The following HMCN1 variants were observed in gnomAD, a reference collection of about 807,000 sequenced individuals.
HMCN1 encodes hemicentin 1.
A neutral mutation model predicts 625.9 loss-of-function variants in HMCN1; 321 were observed. The observed-to-expected ratio is 0.51, with a 90% CI of 0.47 to 0.56. HMCN1 has a LOEUF of 0.56. Ranked by LOEUF, HMCN1 falls within the 20% of genes least tolerant of loss-of-function variation. The pLI is 0.00. For missense variants in HMCN1, 6,588 were observed against 6,887.3 expected (o/e 0.96, Z 1.54); for synonymous variants, 2,425 against 2,417.6 (o/e 1.00, Z -0.09).
chr1:186,055,159 G>A (rs1657226601), intron 44 of HMCN1, among the ~76,000 whole-genome samples: 1 of 151,996 alleles, frequency 6.6e-6, no homozygotes, highest in South Asian at 2.1e-4. Context: ...AGTGAACACA[G>A]CAATCTTTAC....
At chr1:185,877,790 C>G (rs1275864284) in intron 4 of HMCN1, among the ~76,000 whole-genome samples, 1 of 151,612 alleles carries the variant, frequency 6.6e-6, no homozygotes, top group Non-Finnish European at 1.5e-5. Flanking sequence ...TTTGTATAAG[C>G]AAATTTGTGT....
At chr1:185,871,689 T>A (rs1484131330) in intron 4 of HMCN1, among the ~76,000 whole-genome samples, 3 of 152,160 alleles carry the variant, frequency 2.0e-5, no homozygotes, top group African/African-American at 7.2e-5. Flanking sequence ...AAAAGCCTCA[T>A]AGATTAGAGA....
chr1:186,101,943 A>G (rs895392158), intron 68 of HMCN1, among the ~76,000 whole-genome samples: 37 of 152,156 alleles, frequency 2.4e-4, no homozygotes, highest in Non-Finnish European at 4.3e-4. Context: ...AGTTTTCACA[A>G]ATGAACTTGA....
chr1:185,979,923 C>T lies in HMCN1; in HGVS notation c.2567-1055C>T, dbSNP rs1651498196. On this transcript the variant is annotated intron_variant, in intron 16 of 106. Transcript: ENST00000271588. ...CCTCTCCTTCCTTCCTGATTGCTCA[C>T]AAGACAAAACCATACTCTTGAGAAT... Among the ~76,000 whole-genome samples the T allele has an allele frequency of 1.3e-5, 2 of 152,120 alleles. 1 individual carries two copies. The highest frequency in any genetic ancestry group is 2.9e-5 in the Non-Finnish European group (2 of 68,030).
At chr1:186,077,715 A>G (rs1658915585) in intron 54 of HMCN1, among the ~76,000 whole-genome samples, 1 of 152,214 alleles carries the variant, frequency 6.6e-6, no homozygotes, top group African/African-American at 2.4e-5. Flanking sequence ...TTATACTTTT[A>G]CAACCTTGGA....
rs540296860 is a variant in HMCN1 at position 186,081,137 on chromosome 1, G to A, written c.8600-70G>A. 8 of 1,310,338 alleles carry A rather than the reference G, an allele frequency of 6.1e-6. No individual in the cohort carries two copies. In the Admixed American group the frequency reaches 1.2e-4, roughly 19 times the overall value. The allele number at this position is 1,310,338 out of a possible 1,614,324, so 81.2% of individuals were successfully genotyped here. ...TTATTATCCCAAAGTTTTTAAAGCT[G>A]TCAGAAAATTAGCATGATTTAGAAA... On this transcript the variant is annotated intron_variant, in intron 55 of 106. Coordinates refer to ENST00000271588, the MANE Select transcript of HMCN1 (RefSeq NM_031935.3).
chr1:185,926,389 T>C (rs1305658547), intron 9 of HMCN1, among the ~76,000 whole-genome samples: 1 of 152,256 alleles, frequency 6.6e-6, no homozygotes, highest in African/African-American at 2.4e-5. Flanking sequence ...TATATCTTAA[T>C]GATTTATTTA....
rs868165645 is a variant in HMCN1, at chr1:186,094,365, A to G, written c.10286A>G (p.Gln3429Arg). Reference sequence around the variant, plus strand: ...GTGGATAATAAGCATTACAATCTTCAAGTGTTTGGTATGTGTCACAGAAAT... The same window carrying G: ...GTGGATAATAAGCATTACAATCTTCGAGTGTTTGGTATGTGTCACAGAAAT... ...AGVDNKHYNL[Q>R]VFAPPNMDNS... Residue 3429 changes from glutamine to arginine, a missense_variant, in exon 67 of 107, where the codon CAA becomes CGA. Physicochemically the swap from Gln to Arg is conservative, Grantham distance 43. Transcript: ENST00000271588. 2 of 1,611,576 alleles carry G rather than the reference A, an allele frequency of 1.2e-6. No homozygotes were observed. Among genetic ancestry groups the G allele is most frequent in the African/African-American group, 2.7e-5 (2 of 74,928 alleles).
chr1:185,984,413 A>C, intron 19 of HMCN1, 100 bp downstream of exon 19: 1 of 1,073,710 alleles, frequency 9.3e-7, no homozygotes, highest in Non-Finnish European at 1.4e-6. Flanking sequence ...ACAATTAGAT[A>C]TCTCTCTTAA....
intron 1 of HMCN1, among the ~76,000 whole-genome samples, chr1:185,746,497 T>C (rs529780388): frequency 6.6e-6 from 1 of 152,256 alleles, no homozygotes; most frequent in East Asian, 1.9e-4. Flanking sequence ...CTTCTAGTGG[T>C]TTGCTGGCAA....
At chr1:185,868,283 A>G (rs574838239) in intron 4 of HMCN1, among the ~76,000 whole-genome samples, 88 of 152,298 alleles carry the variant, frequency 5.8e-4, no homozygotes, top group South Asian at 1.0e-3. Context: ...TAAGCCCTAT[A>G]GAGAAACTAT....
chr1:186,176,367 C>T (rs1457822111), intron 103 of HMCN1, among the ~76,000 whole-genome samples: 1 of 152,194 alleles, frequency 6.6e-6, no homozygotes, highest in Non-Finnish European at 1.5e-5. Flanking sequence ...ATTAGAGACA[C>T]TAGTTACCAA....
At chr1:186,038,791 A>T (rs746350559) in intron 37 of HMCN1, 38 bp from the exon 38 acceptor site, 4 of 1,345,966 alleles carry the variant, frequency 3.0e-6, no homozygotes, top group East Asian at 4.6e-5. Flanking sequence ...AATTTAAAAA[A>T]TTTTTACATA....
At chr1:186,167,865 C>T (rs1651975756) in intron 100 of HMCN1, among the ~76,000 whole-genome samples, 1 of 151,938 alleles carries the variant, frequency 6.6e-6, no homozygotes, top group African/African-American at 2.4e-5. Flanking sequence ...CTAGATAGAA[C>T]AGTTTATCTA....
At chr1:185,806,546 CAAAAAAA>C (rs34411405) in intron 1 of HMCN1, among the ~76,000 whole-genome samples, 2 of 103,404 alleles carry the variant, frequency 1.9e-5, no homozygotes, top group Non-Finnish European at 2.1e-5. Flanking sequence ...GACCCTGTCT[CAAAAAAA>C]AAAAAAAAAA....
chr1:186,173,967 CTT>C (rs1468989100), intron 102 of HMCN1, among the ~76,000 whole-genome samples: 2 of 152,302 alleles, frequency 1.3e-5, no homozygotes, highest in South Asian at 4.1e-4. Context: ...ACTAGAAACT[CTT>C]TTAAAAGAAA....
intron 1 of HMCN1, among the ~76,000 whole-genome samples, chr1:185,793,728 G>A (rs60308365): frequency 0.091 from 13,869 of 152,160 alleles, 2,040 homozygotes; most frequent in African/African-American, 0.31. Flanking sequence ...CAGGAGATGG[G>A]AGGCATTTAA....
intron 1 of HMCN1, among the ~76,000 whole-genome samples, chr1:185,845,194 A>C (rs921201257): frequency 1.1e-4 from 17 of 152,144 alleles, no homozygotes; most frequent in Non-Finnish European, 1.2e-4. Flanking sequence ...ATGTCCTTGC[A>C]ACTATACATC....
chr1:185,739,268 T>A (rs536278376), intron 1 of HMCN1, among the ~76,000 whole-genome samples: 1 of 152,252 alleles, frequency 6.6e-6, no homozygotes, highest in Non-Finnish European at 1.5e-5. Flanking sequence ...TAGTCCATCG[T>A]TGATGGGCAT....
Sources: allele counts gnomAD v4.1 joint callset (sites outside exome capture counted in the v4.1 genomes callset), GRCh38; gene constraint gnomAD v4.1.1; transcripts MANE v1.5; gene names NCBI Gene and HGNC (gene_info 2026-07-23, HGNC 2026-07-21).